Variants in CSMD2 observed in about 807,000 individuals in gnomAD.
CSMD2 encodes CUB and sushi domain-containing protein 2.
A neutral mutation model predicts 398.5 loss-of-function variants in CSMD2; 130 were observed. That is an observed-to-expected ratio of 0.33 (90% CI 0.28 to 0.38). The LOEUF is 0.38. Ranked by LOEUF, CSMD2 falls within the 10% of genes least tolerant of loss-of-function variation. CSMD2 has a pLI of 1.00. For missense variants in CSMD2, 3,829 were observed against 4,764.9 expected (o/e 0.80, Z 5.78); for synonymous variants, 1,828 against 1,908.5 (o/e 0.96, Z 1.10).
At chr1:33,791,788 T>TG (rs1263542010) in intron 11 of CSMD2, among the ~76,000 whole-genome samples, 1 of 152,134 alleles carries the variant, frequency 6.6e-6, no homozygotes. Context: ...ACGCTTGGCC[T>TG]TTTTCCTGGT....
At chr1:34,023,631 G>T (rs942644846) in intron 3 of CSMD2, among the ~76,000 whole-genome samples, 1 of 152,090 alleles carries the variant, frequency 6.6e-6, no homozygotes, top group South Asian at 2.1e-4. Context: ...AAAGAATTGG[G>T]TTTTTTTCAC....
rs867072124 is a variant in CSMD2, at chr1:33,658,087, G to T, written c.4306C>A (p.Arg1436=). 1.2e-6 allele frequency: 2 copies of T among 1,614,050 alleles called. No homozygotes were observed. Among genetic ancestry groups the T allele is most frequent in the African/African-American group, 2.7e-5 (2 of 74,902 alleles). ...CCGGCTTCCCAACTGTCACCACTCC[G>T]ACTCCCATTCTGCGGGATCCCAGGG... ...NDPGIPQNGS[R]SGDSWEAGDS... is the part of the protein sequence containing the mutation. The change falls in exon 27 of 71, where the codon CGG becomes AGG. Residue 1436 remains arginine (R), a synonymous_variant. Transcript: ENST00000373381.
chr1:33,650,384 C>T (rs772978966), intron 28 of CSMD2, among the ~76,000 whole-genome samples: 12 of 152,156 alleles, frequency 7.9e-5, no homozygotes, highest in South Asian at 4.1e-4. Flanking sequence ...CAAGCCTGAA[C>T]TGAGTCTTGG....
intron 62 of CSMD2, among the ~76,000 whole-genome samples, chr1:33,535,834 C>A (rs925002116): frequency 6.6e-6 from 1 of 152,168 alleles, no homozygotes; most frequent in Non-Finnish European, 1.5e-5. Context: ...CAGGGCTAGC[C>A]CTTCTCATCA....
At position 33,518,079 on chromosome 1, in the gene CSMD2, C is replaced by T. The variant is rs570247896; in HGVS notation, c.*53+1386G>A. ...TGGGTTTGGCTGGTGGCCCACTTGGCGGATTTTCCACCGCCCTCACTGGGA... is the reference window on the plus strand; with the variant it reads ...TGGGTTTGGCTGGTGGCCCACTTGGTGGATTTTCCACCGCCCTCACTGGGA... On this transcript the variant is annotated intron_variant, in intron 70 of 70. Coordinates refer to ENST00000373381, the MANE Select transcript of CSMD2 (RefSeq NM_001281956.2). The surrounding 1 kb of genome is among the most constrained non-coding windows in gnomAD (Gnocchi z 4.3). Among the ~76,000 whole-genome samples the T allele has an allele frequency of 2.8e-4, 42 of 152,352 alleles. No homozygotes were observed. Among genetic ancestry groups the T allele is most frequent in the Non-Finnish European group, 5.3e-4 (36 of 68,030 alleles).
In CSMD2 at chr1:33,759,644, C is replaced by T. The variant is rs147434787; in HGVS notation, c.1846+12925G>A. 6.6e-3 allele frequency among the ~76,000 whole-genome samples: 1,005 copies of T among 152,094 alleles called. 17 individuals are homozygous for T. Among genetic ancestry groups the T allele is most frequent in the African/African-American group, 0.022 (915 of 41,490 alleles). The stretch of plus-strand genomic sequence containing the variant: ...CCAGCCCAGAGCTTGAGTTTCAAGT[C>T]AGTGACAAGTAAGAAAAAAAAGATA... On this transcript the variant is annotated intron_variant, in intron 13 of 70. Transcript: ENST00000373381.
rs571237553 is a variant in CSMD2 at position 33,616,338 on chromosome 1, A to G, written c.6016+568T>C. Among the ~76,000 whole-genome samples the G allele has an allele frequency of 2.3e-3, 349 of 152,196 alleles. 2 individuals carry two copies. Among genetic ancestry groups the G allele is most frequent in the African/African-American group, 8.2e-3 (341 of 41,528 alleles). Reference sequence around the variant, plus strand: ...CTGCAACCTCCGCCTCCTGGGTTCAAGTGATTCTCCTGCCTCAGCCTCCTG... The same window carrying G: ...CTGCAACCTCCGCCTCCTGGGTTCAGGTGATTCTCCTGCCTCAGCCTCCTG... On this transcript the variant is annotated intron_variant, in intron 39 of 70. Coordinates refer to ENST00000373381, the MANE Select transcript of CSMD2 (RefSeq NM_001281956.2).
rs116441689 is a variant in CSMD2, at chr1:33,735,287, A to G, written c.2368+3853T>C. On this transcript the variant is annotated intron_variant, in intron 15 of 70. Coordinates refer to ENST00000373381, the MANE Select transcript of CSMD2 (RefSeq NM_001281956.2). The stretch of plus-strand genomic sequence containing the variant: ...GTGTCCTAGCAGGGACAATAACGAC[A>G]TCTATTTCCTAGGACTGGTGCAAGG... 2.6e-3 allele frequency among the ~76,000 whole-genome samples: 397 copies of G among 152,328 alleles called. 3 individuals carry two copies. Among genetic ancestry groups the G allele is most frequent in the African/African-American group, 9.0e-3 (376 of 41,574 alleles).
chr1:33,792,533 A>T lies in CSMD2; in HGVS notation c.1447-7T>A, dbSNP rs758969132. ...CAAAGGCGAGCTTGATCACCTAGGG[A>T]GGGAACACAGGGTTAGGAGCAGGCA... is the stretch of plus-strand genomic sequence containing the variant. On this transcript the variant is annotated splice_region_variant and splice_polypyrimidine_tract_variant and intron_variant, in intron 10 of 70. Coordinates refer to ENST00000373381, the MANE Select transcript of CSMD2 (RefSeq NM_001281956.2). 113 of 1,596,128 alleles carry T rather than the reference A, an allele frequency of 7.1e-5. No individual in the cohort carries two copies. Among genetic ancestry groups the T allele is most frequent in the Admixed American group, 1.5e-4 (9 of 59,972 alleles).
chr1:33,975,655 G>A (rs72665766), intron 3 of CSMD2, among the ~76,000 whole-genome samples: 9 of 151,990 alleles, frequency 5.9e-5, no homozygotes, highest in Admixed American at 6.5e-5. Flanking sequence ...AGGTGCCATC[G>A]AAAGGAACCA....
At chr1:33,549,124 T>C (rs1020322152) in intron 56 of CSMD2, among the ~76,000 whole-genome samples, 9 of 152,234 alleles carry the variant, frequency 5.9e-5, no homozygotes, top group Non-Finnish European at 1.2e-4. Flanking sequence ...TTAAATATTC[T>C]GGCAGTGACC....
At chr1:33,592,530 A>G (rs1275295884) in intron 44 of CSMD2, 1 of 717,118 alleles carries the variant, frequency 1.4e-6, no homozygotes, top group African/African-American at 1.7e-5. Flanking sequence ...TGGCACAGGC[A>G]CCACAAAGTG....
intron 5 of CSMD2, among the ~76,000 whole-genome samples, chr1:33,909,043 G>A (rs770757295): frequency 3.3e-5 from 5 of 152,130 alleles, no homozygotes; most frequent in Non-Finnish European, 5.9e-5. Flanking sequence ...TCTGAGGCTC[G>A]GTTAGAATGG....
intron 41 of CSMD2, among the ~76,000 whole-genome samples, chr1:33,607,591 G>C (rs1188649469): frequency 6.6e-6 from 1 of 152,248 alleles, no homozygotes; most frequent in Non-Finnish European, 1.5e-5. Context: ...GCCTCTGTGG[G>C]AATACTTAGG....
At chr1:33,571,201 G>C (rs1444786498) in intron 51 of CSMD2, among the ~76,000 whole-genome samples, 3 of 152,078 alleles carry the variant, frequency 2.0e-5, no homozygotes, top group African/African-American at 7.2e-5. Context: ...AGTCCTTGTG[G>C]GCAGGAACCA....
In CSMD2 at chr1:33,518,387, G is replaced by A. The variant is rs866978630; in HGVS notation, c.*53+1078C>T. 2.7e-5 allele frequency among the ~76,000 whole-genome samples: 2 copies of A among 73,162 alleles called. No homozygotes were observed. Among genetic ancestry groups the A allele is most frequent in the Admixed American group, 1.0e-4 (1 of 9,654 alleles). 48.0% of individuals were successfully genotyped at this position (73,162 alleles called of 152,430 possible). On this transcript the variant is annotated intron_variant, in intron 70 of 70. Coordinates refer to ENST00000373381, the MANE Select transcript of CSMD2 (RefSeq NM_001281956.2). The surrounding 1 kb of genome is among the most constrained non-coding windows in gnomAD (Gnocchi z 4.3). ...GATGCATGCCTGTGTGCATGTATGC[G>A]TATGTGTGTGTGTGTGTGTGCATGA... is the stretch of plus-strand genomic sequence containing the variant.
At chr1:33,962,450 G>GC (rs11432030) in intron 3 of CSMD2, among the ~76,000 whole-genome samples, 73,943 of 151,936 alleles carry the variant, frequency 0.49, 18,397 homozygotes, top group South Asian at 0.6. Flanking sequence ...AGCAAGGTCA[G>GC]CCCAGGTTCT....
intron 6 of CSMD2, among the ~76,000 whole-genome samples, chr1:33,838,057 G>C (rs1484727792): frequency 6.6e-6 from 1 of 152,200 alleles, no homozygotes; most frequent in African/African-American, 2.4e-5. Context: ...GGCCTAACCT[G>C]TCTCCAAGGC....
intron 22 of CSMD2, among the ~76,000 whole-genome samples, chr1:33,705,222 A>G (rs1257918868): frequency 6.6e-6 from 1 of 152,180 alleles, no homozygotes; most frequent in Non-Finnish European, 1.5e-5. Context: ...CATAACCATC[A>G]CCTCAAATAC....
Sources: gnomAD v4.1 joint callset for allele counts (sites outside exome capture counted in the v4.1 genomes callset) on GRCh38, gnomAD v4.1.1 for gene constraint, Gnocchi (gnomAD v3.1) non-coding constraint, MANE v1.5 for transcripts, NCBI Gene and HGNC (gene_info 2026-07-23, HGNC 2026-07-21) for gene names.